Variants in TBC1D5 observed in about 807,000 individuals in gnomAD.
The protein encoded by TBC1D5 is TBC1 domain family member 5.
In TBC1D5, 75 loss-of-function variants were observed where a neutral mutation model predicts 100.3. The observed-to-expected ratio is 0.75, with a 90% CI of 0.62 to 0.91. The LOEUF (loss-of-function observed/expected upper bound fraction) is 0.91, where lower values mean the gene tolerates loss of function less well. Among genes scored for constraint, TBC1D5 ranks in the 40% least tolerant of loss-of-function variants. The probability of loss-of-function intolerance (pLI) is 0.00; values close to 1 mark genes in which losing one functional copy is unlikely to be tolerated. For missense variants in TBC1D5, 910 were observed against 942.4 expected, an observed-to-expected ratio of 0.97 and a Z score of 0.45; for synonymous variants, 323 against 325.6, an observed-to-expected ratio of 0.99 and a Z score of 0.09.
chr3:17,603,937 G>A (rs931464776), intron 2 of TBC1D5, among the ~76,000 whole-genome samples: 2 of 152,036 alleles, frequency 1.3e-5, no homozygotes, highest in African/African-American at 2.4e-5. Context: ...GAGCCACCAC[G>A]CCCGGCGCTA....
intron 1 of TBC1D5, among the ~76,000 whole-genome samples, chr3:17,723,563 T>C (rs13079275): frequency 6.6e-6 from 1 of 152,168 alleles, no homozygotes; most frequent in African/African-American, 2.4e-5. Context: ...AAGCTCAGAA[T>C]TGCTTATACA....
intron 1 of TBC1D5, among the ~76,000 whole-genome samples, chr3:17,676,684 G>A (rs960546622): frequency 7.9e-5 from 12 of 152,206 alleles, no homozygotes; most frequent in Middle Eastern, 3.4e-3. Flanking sequence ...AAAAGAGCCC[G>A]CATTGCCAAG....
At chr3:17,274,742 T>G (rs1344126927) in intron 15 of TBC1D5, among the ~76,000 whole-genome samples, 1 of 152,218 alleles carries the variant, frequency 6.6e-6, no homozygotes, top group Non-Finnish European at 1.5e-5. Context: ...CTATTTTTAT[T>G]GCTGTTGTTG....
At chr3:17,175,963 T>C (rs2067675958) in intron 19 of TBC1D5, among the ~76,000 whole-genome samples, 1 of 152,210 alleles carries the variant, frequency 6.6e-6, no homozygotes, top group Non-Finnish European at 1.5e-5. Flanking sequence ...CTACCTGTAG[T>C]AAGCCTGTTT....
intron 13 of TBC1D5, among the ~76,000 whole-genome samples, chr3:17,347,936 G>C (rs567255584): frequency 5.9e-5 from 9 of 152,260 alleles, no homozygotes; most frequent in Admixed American, 3.9e-4. Flanking sequence ...CCAGGAGCTG[G>C]AGGCTGCAGT....
At chr3:17,193,340 T>C (rs536994334) in intron 18 of TBC1D5, among the ~76,000 whole-genome samples, 1 of 152,330 alleles carries the variant, frequency 6.6e-6, no homozygotes, top group Non-Finnish European at 1.5e-5. Flanking sequence ...AAATTGCTAC[T>C]TGACTTATAG....
intron 3 of TBC1D5, among the ~76,000 whole-genome samples, chr3:17,463,943 C>CTTTTTTTTTTTTTTTTTTTTT (rs1025162858): frequency 1.1e-5 from 1 of 87,530 alleles, no homozygotes; most frequent in African/African-American, 4.7e-5. Flanking sequence ...TTCCTTATTC[C>CTTTTTTTTTTTTTTTTTTTTT]TTTTTTTTTT....
At chr3:17,504,317 G>A (rs1231514833) in intron 3 of TBC1D5, among the ~76,000 whole-genome samples, 1 of 147,010 alleles carries the variant, frequency 6.8e-6, no homozygotes, top group Non-Finnish European at 1.5e-5. Flanking sequence ...GATAGCATTG[G>A]GAGATATACC....
At chr3:17,708,608 G>A (rs923766982) in intron 1 of TBC1D5, among the ~76,000 whole-genome samples, 19 of 152,330 alleles carry the variant, frequency 1.2e-4, no homozygotes, top group African/African-American at 4.1e-4. Flanking sequence ...CTCCTGAGGT[G>A]TGACAACAAA....
chr3:17,697,089 T>C (rs1364715157), intron 1 of TBC1D5, among the ~76,000 whole-genome samples: 1 of 152,224 alleles, frequency 6.6e-6, no homozygotes, highest in Non-Finnish European at 1.5e-5. Context: ...AAACTAGGTA[T>C]TGATGGAACA....
At chr3:17,584,936 G>A (rs1211897880) in intron 2 of TBC1D5, among the ~76,000 whole-genome samples, 5 of 152,096 alleles carry the variant, frequency 3.3e-5, no homozygotes, top group African/African-American at 1.2e-4. Context: ...GATTACAGGC[G>A]TGAGCCACTG....
intron 1 of TBC1D5, among the ~76,000 whole-genome samples, chr3:17,729,016 T>TAAAAAAAAAAA (rs34461809): frequency 9.1e-4 from 27 of 29,530 alleles, no homozygotes; most frequent in South Asian, 3.7e-3. Context: ...TGAAAATCAG[T>TAAAAAAAAAAA]AAAAAAAAAA....
intron 15 of TBC1D5, among the ~76,000 whole-genome samples, chr3:17,270,670 T>C (rs1276476802): frequency 6.6e-6 from 1 of 152,196 alleles, no homozygotes; most frequent in Non-Finnish European, 1.5e-5. Context: ...TTTGAGGACT[T>C]AGCCATAAAT....
At chr3:17,645,310 G>A (rs1293937590) in intron 1 of TBC1D5, among the ~76,000 whole-genome samples, 1 of 152,062 alleles carries the variant, frequency 6.6e-6, no homozygotes, top group Non-Finnish European at 1.5e-5. Context: ...GTAAGACAAA[G>A]AACAGGCTAT....
intron 15 of TBC1D5, among the ~76,000 whole-genome samples, chr3:17,259,802 C>A (rs2078102949): frequency 6.6e-6 from 1 of 152,102 alleles, no homozygotes; most frequent in Non-Finnish European, 1.5e-5. Context: ...CATGATGGAC[C>A]TTTTCTTTTT....
At chr3:17,337,526 C>T (rs1483434514) in intron 13 of TBC1D5, 3 of 152,078 alleles carry the variant, frequency 2.0e-5, no homozygotes, top group African/African-American at 4.8e-5. Flanking sequence ...GTTAACACAG[C>T]GGAAATATGG....
intron 4 of TBC1D5, among the ~76,000 whole-genome samples, chr3:17,422,715 A>C (rs2094241437): frequency 6.6e-6 from 1 of 152,058 alleles, no homozygotes; most frequent in Admixed American, 6.5e-5. Context: ...AAATAAATGT[A>C]AATGATGAAA....
chr3:17,304,472 A>T (rs1200260596), intron 14 of TBC1D5, among the ~76,000 whole-genome samples: 3 of 152,174 alleles, frequency 2.0e-5, no homozygotes, highest in Non-Finnish European at 4.4e-5. Flanking sequence ...CAGAGGCGCA[A>T]TCACGGCTCA....
At chr3:17,404,203 C>A (rs1302068695) in intron 7 of TBC1D5, among the ~76,000 whole-genome samples, 1 of 151,998 alleles carries the variant, frequency 6.6e-6, no homozygotes, top group African/African-American at 2.4e-5. Flanking sequence ...TTTAAAGTTA[C>A]ATAATATCTT....
Sources: allele counts gnomAD v4.1 joint callset (sites outside exome capture counted in the v4.1 genomes callset), GRCh38; gene constraint gnomAD v4.1.1; transcripts MANE v1.5; gene names NCBI Gene and HGNC (gene_info 2026-07-23, HGNC 2026-07-21).